Variants in SMG7 observed in about 807,000 individuals in gnomAD.
The protein encoded by SMG7 is SMG7 nonsense mediated mRNA decay factor.
In SMG7, 34 loss-of-function variants were observed where a neutral mutation model predicts 148.2. The ratio of observed to expected loss-of-function variants is 0.23; its 90% CI spans 0.17 to 0.31. The LOEUF (loss-of-function observed/expected upper bound fraction) is 0.31. Among genes scored for constraint, SMG7 ranks in the 10% least tolerant of loss-of-function variants. SMG7 has a pLI of 1.00. For missense variants in SMG7, 1,114 were observed against 1,408.4 expected (o/e 0.79, Z 3.35); for synonymous variants, 492 against 515.1 (o/e 0.96, Z 0.61).
chr1:183,513,891 G>A (rs570608739), intron 2 of SMG7, among the ~76,000 whole-genome samples: 5 of 151,912 alleles, frequency 3.3e-5, no homozygotes, highest in African/African-American at 7.2e-5. Flanking sequence ...TTAGCTGGGC[G>A]TGGTGGCATG....
chr1:183,475,118 C>T (rs1651825886), intron 1 of SMG7, among the ~76,000 whole-genome samples: 1 of 152,208 alleles, frequency 6.6e-6, no homozygotes, highest in Non-Finnish European at 1.5e-5. Flanking sequence ...GGTCTTCTAA[C>T]TTCAAGTCAG....
intron 14 of SMG7, among the ~76,000 whole-genome samples, chr1:183,543,177 T>G (rs543546581): frequency 6.6e-6 from 1 of 152,200 alleles, no homozygotes; most frequent in South Asian, 2.1e-4. Flanking sequence ...AAAAGATGGT[T>G]TCATGTAAAC....
chr1:183,495,750 C>T (rs184999813), intron 1 of SMG7, among the ~76,000 whole-genome samples: 10 of 152,142 alleles, frequency 6.6e-5, no homozygotes, highest in Admixed American at 5.9e-4. Flanking sequence ...TGCCTGTAAT[C>T]CCACCTACTC....
rs777681305 is a variant in SMG7 at position 183,517,808 on chromosome 1, C to T, written c.300C>T (p.Gly100=). 27 of 1,613,980 alleles carry T rather than the reference C, an allele frequency of 1.7e-5. No homozygotes were observed. Among genetic ancestry groups the T allele is most frequent in the Non-Finnish European group, 2.3e-5 (27 of 1,179,980 alleles). ...CTCTGTTCCTAGAGGCAGCTAGTGG[C>T]TTCTATACTCAGGTGAGTTCTGCAT... The part of the protein sequence containing the change: ...NLSLFLEAAS[G]FYTQLLQELC... The change falls in exon 4 of 23, where the codon GGC becomes GGT. Residue 100 remains glycine, a synonymous_variant. Coordinates refer to ENST00000688051, the MANE Select transcript of SMG7 (RefSeq NM_001375584.1).
intron 11 of SMG7, 58 bp downstream of exon 11, chr1:183,537,273 T>G: frequency 8.0e-7 from 1 of 1,250,400 alleles, no homozygotes; most frequent in Non-Finnish European, 1.2e-6. Context: ...AATGGTGGCT[T>G]AATGCCAGAG....
At chr1:183,515,265 A>C (rs1050511658) in intron 2 of SMG7, among the ~76,000 whole-genome samples, 1 of 150,266 alleles carries the variant, frequency 6.7e-6, no homozygotes, top group African/African-American at 2.4e-5. Context: ...TGCTCACAAA[A>C]GTATCTTAGG....
At chr1:183,507,622 A>G (rs879439689) in intron 1 of SMG7, among the ~76,000 whole-genome samples, 8 of 152,328 alleles carry the variant, frequency 5.3e-5, no homozygotes, top group South Asian at 2.1e-4. Context: ...AACAATGGCA[A>G]TAGTAAACGC....
At chr1:183,544,007 G>C (rs1669446050) in intron 14 of SMG7, among the ~76,000 whole-genome samples, 1 of 151,978 alleles carries the variant, frequency 6.6e-6, no homozygotes, top group Non-Finnish European at 1.5e-5. Context: ...AGAACCCTGG[G>C]CCCCAGAACA....
chr1:183,529,549 T>TA lies in SMG7; in HGVS notation c.843+17dup. 1 of 1,600,604 alleles carries TA rather than the reference T, an allele frequency of 6.2e-7. No homozygotes were observed. The highest frequency in any genetic ancestry group is 1.1e-5 in the South Asian group (1 of 88,566). The stretch of plus-strand genomic sequence containing the variant: ...ACAGTTTAAGGTTAGATTTCAGAAA[T>TA]AGAGAATTTTTGTCTTGTCTAAATC... On this transcript the variant is annotated intron_variant, in intron 8 of 22. Coordinates refer to ENST00000688051, the MANE Select transcript of SMG7 (RefSeq NM_001375584.1).
intron 7 of SMG7, 122 bp downstream of exon 7, chr1:183,529,164 G>T: frequency 9.6e-7 from 1 of 1,039,388 alleles, no homozygotes; most frequent in Non-Finnish European, 1.4e-6. Flanking sequence ...TAAACATATA[G>T]ATTTTTCATA....
chr1:183,502,247 A>T, intron 1 of SMG7: 1 of 1,511,252 alleles, frequency 6.6e-7, no homozygotes, highest in Non-Finnish European at 8.8e-7. Flanking sequence ...CCTCTCCTCT[A>T]TCTAGAATGT....
chr1:183,515,933 C>A lies in SMG7; in HGVS notation c.121C>A (p.Gln41Lys), dbSNP rs140206970. ...CAGGCAGGCTCTGCAGGACCTGTAC[C>A]AGAAAATGCTAGTTACCGATTTGGA... Reference protein sequence around the residue: ...TSRQALQDLYQKMLVTDLEYA... With the variant: ...TSRQALQDLYKKMLVTDLEYA... The change falls in exon 3 of 23, where the codon CAG (glutamine) becomes AAG (lysine). Residue 41 changes from glutamine (Q) to lysine (K), a missense_variant. By Grantham distance (53) the Gln-to-Lys change is moderately conservative (BLOSUM62 1). This residue lies in a region of SMG7 where 216 missense variants were observed against 329.1 expected (regional missense o/e 0.66). Transcript: ENST00000688051. 1.2e-6 allele frequency: 2 copies of A among 1,613,118 alleles called. No homozygotes were observed. The highest frequency in any genetic ancestry group is 1.7e-6 in the Non-Finnish European group (2 of 1,179,580).
intron 1 of SMG7, among the ~76,000 whole-genome samples, chr1:183,500,532 A>T (rs1174877128): frequency 6.6e-6 from 1 of 152,212 alleles, no homozygotes; most frequent in Non-Finnish European, 1.5e-5. Context: ...TATGCTGTGC[A>T]CTATGTGAGG....
At chr1:183,519,737 C>T (rs768465244) in intron 4 of SMG7, among the ~76,000 whole-genome samples, 11 of 152,058 alleles carry the variant, frequency 7.2e-5, no homozygotes, top group Non-Finnish European at 1.3e-4. Flanking sequence ...ATATTTAAGA[C>T]CACACTATAT....
chr1:183,544,608 T>C (rs1669556513), intron 15 of SMG7, 111 bp downstream of exon 15: 2 of 1,188,850 alleles, frequency 1.7e-6, no homozygotes, highest in East Asian at 2.4e-5. Flanking sequence ...CCATAAAAAG[T>C]TCTATTTTCC....
At chr1:183,473,714 C>G (rs1651376758) in intron 1 of SMG7, 1 of 984,474 alleles carries the variant, frequency 1.0e-6, no homozygotes, top group South Asian at 4.7e-5. Context: ...TCCTTTTTGT[C>G]TTTCAGGAGC....
At chr1:183,482,569 A>G (rs765680421) in intron 1 of SMG7, among the ~76,000 whole-genome samples, 5 of 152,168 alleles carry the variant, frequency 3.3e-5, no homozygotes, top group Non-Finnish European at 7.4e-5. Flanking sequence ...AACTAAAAGT[A>G]GGTGGTCAGA....
rs377685096 is a variant in SMG7, at chr1:183,529,586, C to T, written c.843+53C>T. On this transcript the variant is annotated intron_variant, in intron 8 of 22. Transcript: ENST00000688051. ...GTCTTGTCTAAATCAGGAAGCATAA[C>T]ATTTGGAGGAAACTGACTCCCAGTT... The T allele has an allele frequency of 1.1e-5, 17 of 1,488,188 alleles. No homozygotes were observed. The East Asian group carries it at 3.0e-4, about 26-fold the overall frequency. 92.2% of individuals were successfully genotyped at this position (1,488,188 alleles called of 1,614,324 possible).
intron 12 of SMG7, among the ~76,000 whole-genome samples, chr1:183,539,109 G>A (rs1315313607): frequency 2.0e-5 from 3 of 151,890 alleles, no homozygotes; most frequent in Non-Finnish European, 2.9e-5. Flanking sequence ...GAGAGATCAC[G>A]CCACTGCACT....
Sources: gnomAD v4.1 joint callset for allele counts (sites outside exome capture counted in the v4.1 genomes callset) on GRCh38, gnomAD v4.1.1 for gene constraint, gnomAD v4.1.1 regional missense constraint, MANE v1.5 for transcripts, NCBI Gene and HGNC (gene_info 2026-07-23, HGNC 2026-07-21) for gene names.